The following LRP1B variants were observed in gnomAD, a reference collection of about 807,000 sequenced individuals.
The protein encoded by LRP1B is LDL receptor related protein 1B.
A neutral mutation model predicts 556.6 loss-of-function variants in LRP1B; 217 were observed. The ratio of observed to expected loss-of-function variants is 0.39; its 90% confidence interval spans 0.35 to 0.44. The LOEUF (loss-of-function observed/expected upper bound fraction) is 0.44, where lower values mean the gene tolerates loss of function less well. LRP1B is among the 20% of genes least tolerant of loss of function. The probability of loss-of-function intolerance (pLI) is 1.00; values close to 1 mark genes in which losing one functional copy is unlikely to be tolerated. For missense variants in LRP1B, 5,053 were observed against 5,620.8 expected (o/e 0.90, Z 3.23); for synonymous variants, 2,047 against 1,865.8 (o/e 1.10, Z -2.50).
chr2:140,416,213 GT>G (rs2105257203), intron 66 of LRP1B, among the ~76,000 whole-genome samples: 1 of 152,316 alleles, frequency 6.6e-6, no homozygotes, highest in South Asian at 2.1e-4. Context: ...AAATGCATAT[GT>G]GAGGGATCTA....
chr2:141,724,702 A>T (rs1159826501), intron 2 of LRP1B, among the ~76,000 whole-genome samples: 1 of 138,682 alleles, frequency 7.2e-6, no homozygotes, highest in African/African-American at 2.5e-5. Flanking sequence ...TAAACCATTA[A>T]ATGGTGACAA....
intron 1 of LRP1B, among the ~76,000 whole-genome samples, chr2:142,069,478 C>G (rs927325221): frequency 1.8e-5 from 1 of 55,360 alleles, no homozygotes; most frequent in Admixed American, 2.3e-4. Context: ...TGACCAACAA[C>G]AACTTCATCT....
rs572515776 is a variant in LRP1B, at chr2:141,901,955, G to A, written c.83-91554C>T. Among the ~76,000 whole-genome samples the A allele has an allele frequency of 0.011, 422 of 38,144 alleles. 7 individuals are homozygous for A. The East Asian group carries it at 0.46, about 41-fold the overall frequency. 25.0% of individuals were successfully genotyped at this position (38,144 alleles called of 152,430 possible). On this transcript the variant is annotated intron_variant, in intron 1 of 90. Transcript: ENST00000389484. The stretch of plus-strand genomic sequence containing the variant: ...GAAATGTTTTAAAGAAAGAGTGATT[G>A]TATCTTTCTTCATACCTAGAATAAT...
At chr2:141,464,678 C>T (rs960292608) in intron 3 of LRP1B, among the ~76,000 whole-genome samples, 13 of 148,314 alleles carry the variant, frequency 8.8e-5, no homozygotes, top group East Asian at 6.0e-4. Context: ...GTGATCCACC[C>T]GGCTCGGCCT....
intron 84 of LRP1B, among the ~76,000 whole-genome samples, chr2:140,293,409 TTTTACCA>T (rs1683475957): frequency 6.6e-6 from 1 of 152,222 alleles, no homozygotes; most frequent in Non-Finnish European, 1.5e-5. Flanking sequence ...TTGATTTTAC[TTTTACCA>T]TTATTTATCT....
At chr2:141,579,666 A>C (rs1022508673) in intron 2 of LRP1B, among the ~76,000 whole-genome samples, 1 of 150,694 alleles carries the variant, frequency 6.6e-6, no homozygotes, top group African/African-American at 2.5e-5. Flanking sequence ...CTTTCTCTAT[A>C]AATTGTTCTT....
intron 3 of LRP1B, among the ~76,000 whole-genome samples, chr2:141,263,633 G>T (rs1157569203): frequency 6.6e-6 from 1 of 151,972 alleles, no homozygotes; most frequent in East Asian, 1.9e-4. Flanking sequence ...CAGAAAGAAA[G>T]AAAACATTTT....
At chr2:141,196,027 T>A (rs909514556) in intron 6 of LRP1B, among the ~76,000 whole-genome samples, 2 of 152,024 alleles carry the variant, frequency 1.3e-5, no homozygotes, top group South Asian at 4.1e-4. Context: ...AGGGGCTATT[T>A]TGTAGCTAAA....
intron 1 of LRP1B, among the ~76,000 whole-genome samples, chr2:141,832,795 A>G (rs1315745372): frequency 6.6e-6 from 1 of 151,878 alleles, no homozygotes; most frequent in African/African-American, 2.4e-5. Context: ...TACAGTTAAG[A>G]TTGTAGAAAT....
chr2:140,989,741 C>T (rs2105353369), intron 16 of LRP1B, 84 bp from the exon 17 acceptor site: 2 of 1,346,692 alleles, frequency 1.5e-6, no homozygotes. Flanking sequence ...AGAAAAGTTA[C>T]AGTAATAATA....
At chr2:141,022,290 A>G (rs200255982) in intron 11 of LRP1B, among the ~76,000 whole-genome samples, 2 of 150,572 alleles carry the variant, frequency 1.3e-5, no homozygotes, top group African/African-American at 4.9e-5. Flanking sequence ...TTGTGCTTTG[A>G]TTTTTTTTTC....
intron 7 of LRP1B, among the ~76,000 whole-genome samples, chr2:141,135,186 TTA>T (rs1404667249): frequency 6.6e-6 from 1 of 151,912 alleles, no homozygotes; most frequent in African/African-American, 2.4e-5. Flanking sequence ...TAAAAAATTC[TTA>T]TTAATATTCA....
chr2:141,156,794 A>G (rs1296771315), intron 7 of LRP1B, among the ~76,000 whole-genome samples: 1 of 152,146 alleles, frequency 6.6e-6, no homozygotes, highest in Non-Finnish European at 1.5e-5. Flanking sequence ...TCTTGAGGGT[A>G]ATTTTTATTT....
intron 1 of LRP1B, among the ~76,000 whole-genome samples, chr2:141,863,910 T>A (rs1698328061): frequency 6.6e-6 from 1 of 152,176 alleles, no homozygotes; most frequent in African/African-American, 2.4e-5. Flanking sequence ...AGACTATGGC[T>A]ATCAAAATAT....
At chr2:142,066,403 G>A (rs1372827180) in intron 1 of LRP1B, among the ~76,000 whole-genome samples, 1 of 151,396 alleles carries the variant, frequency 6.6e-6, no homozygotes, top group Non-Finnish European at 1.5e-5. Context: ...ACATATCCAA[G>A]TTCATCGCTT....
At chr2:141,281,855 C>A (rs879535410) in intron 3 of LRP1B, among the ~76,000 whole-genome samples, 2 of 151,840 alleles carry the variant, frequency 1.3e-5, no homozygotes, top group East Asian at 1.9e-4. Context: ...TGTGAGCTAC[C>A]CTGAAGAGAT....
At chr2:140,811,297 T>A (rs1205045149) in intron 32 of LRP1B, among the ~76,000 whole-genome samples, 3 of 152,166 alleles carry the variant, frequency 2.0e-5, no homozygotes, top group African/African-American at 7.2e-5. Flanking sequence ...TCTTTATTTT[T>A]TGCTAAGATA....
chr2:141,605,903 G>A (rs1445561756), intron 2 of LRP1B, among the ~76,000 whole-genome samples: 1 of 151,488 alleles, frequency 6.6e-6, no homozygotes, highest in East Asian at 1.9e-4. Flanking sequence ...TCATTCAGCT[G>A]CTTTCATTTT....
intron 11 of LRP1B, among the ~76,000 whole-genome samples, chr2:141,033,746 C>G (rs1454523994): frequency 6.6e-6 from 1 of 152,080 alleles, no homozygotes; most frequent in Non-Finnish European, 1.5e-5. Flanking sequence ...GTCTGCAAAC[C>G]TGAAAGAGAG....
Sources: gnomAD v4.1 joint callset for allele counts (sites outside exome capture counted in the v4.1 genomes callset) on GRCh38, gnomAD v4.1.1 for gene constraint, MANE v1.5 for transcripts, NCBI Gene and HGNC (gene_info 2026-07-23, HGNC 2026-07-21) for gene names.